The following AMDHD1 variants were observed in gnomAD, a reference collection of about 807,000 sequenced individuals.
AMDHD1 encodes probable imidazolonepropionase.
Under a neutral mutation model 44.1 loss-of-function variants are expected in AMDHD1, and 45 were observed. The ratio of observed to expected loss-of-function variants is 1.02; its 90% confidence interval spans 0.80 to 1.31. The LOEUF (loss-of-function observed/expected upper bound fraction) is 1.31, where lower values mean the gene tolerates loss of function less well. AMDHD1 is among the 50% of genes most tolerant of loss of function. AMDHD1 has a pLI of 0.00. For missense variants in AMDHD1, 586 were observed against 552.1 expected (o/e 1.06, Z -0.61); for synonymous variants, 206 against 205.0 (o/e 1.00, Z -0.04).
At chr12:95,955,789 T>C (rs1399062097) in intron 3 of AMDHD1, among the ~76,000 whole-genome samples, 1 of 152,130 alleles carries the variant, frequency 6.6e-6, no homozygotes, top group Non-Finnish European at 1.5e-5. Context: ...CAGGCCTGCA[T>C]CCTTTCTCTG....
chr12:95,957,747 T>C (rs1324305560), intron 4 of AMDHD1, among the ~76,000 whole-genome samples: 1 of 152,228 alleles, frequency 6.6e-6, no homozygotes, highest in East Asian at 1.9e-4. Context: ...TTTTGTAAAC[T>C]TCGGAATATA....
intron 1 of AMDHD1, among the ~76,000 whole-genome samples, chr12:95,949,615 C>T (rs188785299): frequency 8.3e-4 from 126 of 152,246 alleles, no homozygotes; most frequent in Non-Finnish European, 1.5e-3. Flanking sequence ...TGAACTAATA[C>T]CAACATTTAG....
intron 1 of AMDHD1, among the ~76,000 whole-genome samples, chr12:95,945,762 G>A (rs1457273477): frequency 1.4e-5 from 2 of 139,916 alleles, no homozygotes; most frequent in Non-Finnish European, 3.0e-5. Flanking sequence ...GCCCAGAATT[G>A]GATGGATTTT....
At chr12:95,944,097 C>G (rs2080480921) in intron 1 of AMDHD1, among the ~76,000 whole-genome samples, 1 of 151,932 alleles carries the variant, frequency 6.6e-6, no homozygotes, top group African/African-American at 2.4e-5. Context: ...CATCAGAAAA[C>G]AAGATATTTC....
intron 2 of AMDHD1, among the ~76,000 whole-genome samples, chr12:95,953,954 G>A (rs2080537323): frequency 6.6e-6 from 1 of 152,116 alleles, no homozygotes; most frequent in Non-Finnish European, 1.5e-5. Flanking sequence ...ATAGCAGAAA[G>A]CAATCTGAGT....
rs767317322 is a variant in AMDHD1, at chr12:95,965,797, G to T, written c.1032+18G>T. 6.6e-7 allele frequency: 1 copy of T among 1,522,036 alleles called. No individual in the cohort carries two copies. The highest frequency in any genetic ancestry group is 9.1e-7 in the Non-Finnish European group (1 of 1,102,140). 94.3% of individuals were successfully genotyped at this position (1,522,036 alleles called of 1,614,324 possible). On this transcript the variant is annotated intron_variant, in intron 7 of 8. Transcript: ENST00000266736. ...TTTCAATGGTAATTATTTTTTTCAT[G>T]TACCTTTCTGAGCAGAGTATCTACC...
At chr12:95,952,649 T>C (rs2080530251) in intron 1 of AMDHD1, 68 bp from the exon 2 acceptor site, 1 of 982,566 alleles carries the variant, frequency 1.0e-6, no homozygotes, top group African/African-American at 1.6e-5. Flanking sequence ...AAACATATTT[T>C]AAGTCACTCA....
At chr12:95,959,098 A>G (rs1261260657) in intron 4 of AMDHD1, among the ~76,000 whole-genome samples, 1 of 152,126 alleles carries the variant, frequency 6.6e-6, no homozygotes, top group Non-Finnish European at 1.5e-5. Flanking sequence ...AGAAAAAGAA[A>G]TAACTTGCGT....
intron 7 of AMDHD1, 39 bp from the exon 8 acceptor site, chr12:95,966,309 A>G (rs779462844): frequency 3.7e-5 from 60 of 1,608,750 alleles, no homozygotes; most frequent in Non-Finnish European, 5.0e-5. Flanking sequence ...CAGTTGCCAT[A>G]TGTCACTTTC....
chr12:95,954,212 C>A (rs553375991), intron 2 of AMDHD1, among the ~76,000 whole-genome samples: 1 of 152,200 alleles, frequency 6.6e-6, no homozygotes, highest in Non-Finnish European at 1.5e-5. Flanking sequence ...GTTTTCATAT[C>A]CAGATTATTC....
rs1491418515 is a variant in AMDHD1 at position 95,967,734 on chromosome 12, TTG to T, written c.1194-20_1194-19del. 11 of 1,458,618 alleles carry T rather than the reference TTG, an allele frequency of 7.5e-6. No individual in the cohort carries two copies. Among genetic ancestry groups the T allele is most frequent in the Non-Finnish European group, 9.1e-6 (10 of 1,103,054 alleles). The allele number at this position is 1,458,618 out of a possible 1,614,324, so 90.4% of individuals were successfully genotyped here. On this transcript the variant is annotated intron_variant, in intron 8 of 8. Coordinates refer to ENST00000266736, the MANE Select transcript of AMDHD1 (RefSeq NM_152435.3). ...CTTGCACACATTGAAGTAATATTTG[TTG>T]TTTTTTTTTTTTTTTCTAGATGGGA...
intron 1 of AMDHD1, among the ~76,000 whole-genome samples, chr12:95,949,509 T>C (rs2080517298): frequency 6.6e-6 from 1 of 152,200 alleles, no homozygotes; most frequent in Non-Finnish European, 1.5e-5. Flanking sequence ...CTATTATTTG[T>C]ATCCCCTAAA....
At chr12:95,952,626 C>T (rs1592822348) in intron 1 of AMDHD1, 91 bp from the exon 2 acceptor site, 4 of 848,150 alleles carry the variant, frequency 4.7e-6, no homozygotes, top group Non-Finnish European at 7.6e-6. Context: ...CTAATTAACA[C>T]CAAAGAATCT....
intron 4 of AMDHD1, among the ~76,000 whole-genome samples, chr12:95,958,809 A>G (rs1316975270): frequency 6.6e-6 from 1 of 152,164 alleles, no homozygotes. Context: ...TAATCCCAGC[A>G]CTTTGGGGGG....
chr12:95,950,554 T>C (rs2080521398), intron 1 of AMDHD1, among the ~76,000 whole-genome samples: 1 of 152,226 alleles, frequency 6.6e-6, no homozygotes, highest in Non-Finnish European at 1.5e-5. Flanking sequence ...TGGAAGTATA[T>C]TTCTCTCCTA....
At chr12:95,956,996 C>T (rs2080555243) in intron 4 of AMDHD1, 34 bp downstream of exon 4, 4 of 1,608,300 alleles carry the variant, frequency 2.5e-6, no homozygotes, top group Non-Finnish European at 3.4e-6. Flanking sequence ...GGGTTTAACT[C>T]AGAGCATTGA....
chr12:95,948,347 CTGGG>C (rs1159790568), intron 1 of AMDHD1, among the ~76,000 whole-genome samples: 1 of 65,646 alleles, frequency 1.5e-5, no homozygotes, highest in Non-Finnish European at 2.8e-5. Flanking sequence ...GCCGCCCCGT[CTGGG>C]AGGGAGGTGG....
intron 2 of AMDHD1, 106 bp downstream of exon 2, chr12:95,952,929 T>C (rs550105850): frequency 4.6e-6 from 3 of 655,102 alleles, no homozygotes; most frequent in African/African-American, 1.8e-5. Flanking sequence ...AAATAATATT[T>C]AAAAAAAATC....
rs763627683 is a variant in AMDHD1, at chr12:95,960,473, TG to T, written c.667del (p.Glu223LysfsTer7). On this transcript the variant is annotated frameshift_variant, in exon 5 of 9. Transcript: ENST00000266736. LOFTEE classifies it high-confidence loss of function. ...CAAAGCTGAAGGAACTTGGCAGAAA[TG>T]GGGAAATACACGTGGACAATATAGA... ...LPKLKELGRNGEIHVDNIDVF... is the reference protein window; with the variant it reads ...LPKLKELGRNXEIHVDNIDVF... 18 of 1,614,056 alleles carry T rather than the reference TG, an allele frequency of 1.1e-5. No individual in the cohort carries two copies. The Middle Eastern group carries it at 9.9e-4, about 88-fold the overall frequency.
Sources: gnomAD v4.1 joint callset for allele counts (sites outside exome capture counted in the v4.1 genomes callset) on GRCh38, gnomAD v4.1.1 for gene constraint, MANE v1.5 for transcripts, NCBI Gene and HGNC (gene_info 2026-07-23, HGNC 2026-07-21) for gene names.